Variants in MRAS observed in about 807,000 individuals in gnomAD.
MRAS encodes muscle RAS oncogene homolog.
In MRAS, 4 loss-of-function variants were observed where a neutral mutation model predicts 20.9. That is an observed-to-expected ratio of 0.19 (90% CI 0.09 to 0.44). The LOEUF (loss-of-function observed/expected upper bound fraction) is 0.44, where lower values mean the gene tolerates loss of function less well. MRAS is among the 20% of genes least tolerant of loss of function. The probability of loss-of-function intolerance (pLI) is 0.99; values close to 1 mark genes in which losing one functional copy is unlikely to be tolerated. For missense variants in MRAS, 154 were observed against 277.5 expected (o/e 0.56, Z 3.16); for synonymous variants, 98 against 102.9 (o/e 0.95, Z 0.29).
intron 2 of MRAS, among the ~76,000 whole-genome samples, chr3:138,384,856 G>T (rs1485968828): frequency 6.6e-6 from 1 of 152,188 alleles, no homozygotes; most frequent in African/African-American, 2.4e-5. Context: ...TGAAGAAGGT[G>T]CTTCACAAAG....
intron 3 of MRAS, 67 bp downstream of exon 3, chr3:138,397,544 T>TCC: frequency 6.5e-7 from 1 of 1,541,208 alleles, no homozygotes; most frequent in Admixed American, 1.8e-5. Context: ...GCGCTCTCTC[T>TCC]CTCTCTCTTT....
chr3:138,396,235 C>G (rs973661491), intron 2 of MRAS, among the ~76,000 whole-genome samples: 16 of 152,220 alleles, frequency 1.1e-4, no homozygotes, highest in Non-Finnish European at 2.2e-4. Context: ...GCACTGAGGG[C>G]ATTACATGTA....
At chr3:138,363,970 A>C (rs965046599) in intron 1 of MRAS, among the ~76,000 whole-genome samples, 7 of 152,070 alleles carry the variant, frequency 4.6e-5, no homozygotes, top group African/African-American at 1.7e-4. Context: ...TTTGGTGAAC[A>C]AGCAACTCCT....
intron 2 of MRAS, among the ~76,000 whole-genome samples, chr3:138,373,337 G>T (rs1182576932): frequency 6.6e-6 from 1 of 152,210 alleles, no homozygotes; most frequent in African/African-American, 2.4e-5. Context: ...GATGTCATGT[G>T]TGTTTTTTCT....
intron 1 of MRAS, chr3:138,349,950 G>A (rs2108486521): frequency 6.6e-6 from 1 of 152,308 alleles, no homozygotes; most frequent in South Asian, 2.1e-4. Flanking sequence ...GGGTGAAAAA[G>A]AGCCAACAGC....
intron 2 of MRAS, among the ~76,000 whole-genome samples, chr3:138,387,193 G>A (rs1229473536): frequency 1.3e-5 from 2 of 152,220 alleles, no homozygotes; most frequent in Non-Finnish European, 2.9e-5. Flanking sequence ...GAAGGCCCTG[G>A]AAGTTGATGC....
chr3:138,348,447 G>A (rs1187720221), upstream of MRAS: 2 of 152,096 alleles, frequency 1.3e-5, no homozygotes, highest in African/African-American at 4.8e-5. Flanking sequence ...CGCGTCCTGG[G>A]GGCCGGGGTG....
At chr3:138,376,064 T>C (rs1427606531) in intron 2 of MRAS, among the ~76,000 whole-genome samples, 1 of 152,186 alleles carries the variant, frequency 6.6e-6, no homozygotes, top group African/African-American at 2.4e-5. Flanking sequence ...AAAGTATTAA[T>C]ATTATGGCAT....
At position 138,400,521 on chromosome 3, in the gene MRAS, C is replaced by T; in HGVS notation, c.448-13C>T. On this transcript the variant is annotated splice_polypyrimidine_tract_variant and intron_variant, in intron 4 of 5. Coordinates refer to ENST00000423968, the MANE Select transcript of MRAS (RefSeq NM_001085049.3). ...TCTGTGCCACTTTGATCAAGTTGAGCTTTGCCTTCCAGATTCCGTACATAG... is the reference window on the plus strand; with the variant it reads ...TCTGTGCCACTTTGATCAAGTTGAGTTTTGCCTTCCAGATTCCGTACATAG... The T allele has an allele frequency of 1.2e-6, 2 of 1,606,358 alleles. No individual in the cohort carries two copies. The highest frequency in any genetic ancestry group is 1.7e-6 in the Non-Finnish European group (2 of 1,172,932).
At chr3:138,394,790 C>A (rs950755735) in intron 2 of MRAS, among the ~76,000 whole-genome samples, 6 of 152,186 alleles carry the variant, frequency 3.9e-5, no homozygotes, top group African/African-American at 1.4e-4. Flanking sequence ...CTTTTTCTCA[C>A]CTCTCTATCC....
At chr3:138,396,311 T>C (rs892574978) in intron 2 of MRAS, among the ~76,000 whole-genome samples, 6 of 152,160 alleles carry the variant, frequency 3.9e-5, no homozygotes, top group African/African-American at 1.4e-4. Context: ...GTAGCTTGCC[T>C]GGGGTCACAC....
intron 4 of MRAS, among the ~76,000 whole-genome samples, chr3:138,399,809 G>A (rs922578035): frequency 6.6e-6 from 1 of 152,192 alleles, no homozygotes; most frequent in Non-Finnish European, 1.5e-5. Context: ...GAGCGCTCAG[G>A]AGTGAGTGTG....
chr3:138,389,870 G>A (rs935692592), intron 2 of MRAS, among the ~76,000 whole-genome samples: 7 of 151,918 alleles, frequency 4.6e-5, no homozygotes, highest in Non-Finnish European at 7.4e-5. Context: ...GATCTTGACC[G>A]TACCCTGGGC....
chr3:138,398,426 G>C (rs1480728942), intron 3 of MRAS, 43 bp from the exon 4 acceptor site: 9 of 1,519,068 alleles, frequency 5.9e-6, no homozygotes, highest in Non-Finnish European at 7.3e-6. Context: ...AGGTGTGAGG[G>C]GTGGTGGAAA....
At chr3:138,382,018 A>G (rs2054916401) in intron 2 of MRAS, among the ~76,000 whole-genome samples, 1 of 152,210 alleles carries the variant, frequency 6.6e-6, no homozygotes, top group Admixed American at 6.5e-5. Context: ...ATAGGCCCCA[A>G]CTAAGAATGG....
At chr3:138,368,097 A>G (rs2054599843) in intron 1 of MRAS, among the ~76,000 whole-genome samples, 1 of 152,176 alleles carries the variant, frequency 6.6e-6, no homozygotes, top group African/African-American at 2.4e-5. Flanking sequence ...GCTGTTCCCA[A>G]AGTTGGTTTC....
chr3:138,390,436 C>G (rs1298530429), intron 2 of MRAS, among the ~76,000 whole-genome samples: 1 of 152,200 alleles, frequency 6.6e-6, no homozygotes, highest in African/African-American at 2.4e-5. Context: ...ATCTGTCTGT[C>G]TCTCTCTCAC....
At chr3:138,364,780 T>C (rs1375629437) in intron 1 of MRAS, among the ~76,000 whole-genome samples, 1 of 152,220 alleles carries the variant, frequency 6.6e-6, no homozygotes, top group Non-Finnish European at 1.5e-5. Context: ...TCTGGGGTGC[T>C]GGGGTGGGAA....
chr3:138,371,179 A>C (rs1222991613), intron 1 of MRAS, among the ~76,000 whole-genome samples: 1 of 152,188 alleles, frequency 6.6e-6, no homozygotes, highest in African/African-American at 2.4e-5. Flanking sequence ...GCAGATTTGC[A>C]CTTTCTCTGC....
Sources: gnomAD v4.1 joint callset for allele counts (sites outside exome capture counted in the v4.1 genomes callset) on GRCh38, gnomAD v4.1.1 for gene constraint, MANE v1.5 for transcripts, NCBI Gene and HGNC (gene_info 2026-07-23, HGNC 2026-07-21) for gene names.